COL22A1: variants seen among roughly 807,000 people sequenced by gnomAD.
COL22A1 encodes the protein collagen type XXII alpha 1 chain, also known as collagen alpha-1(XXII) chain.
COL22A1 carries 221 observed loss-of-function variants against 248.9 expected under a neutral mutation model. The observed-to-expected ratio is 0.89, with a 90% CI of 0.80 to 0.99. The LOEUF is 0.99. Among genes scored for constraint, COL22A1 ranks in the 50% least tolerant of loss-of-function variants. The probability of loss-of-function intolerance (pLI) is 0.00; values close to 1 mark genes in which losing one functional copy is unlikely to be tolerated. For synonymous variants in COL22A1, 891 were observed against 793.4 expected (o/e 1.12, Z -2.07); for missense variants, 2,240 against 2,179.0 (o/e 1.03, Z -0.56).
At chr8:138,857,536 C>A (rs1478302287) in intron 3 of COL22A1, among the ~76,000 whole-genome samples, 1 of 152,122 alleles carries the variant, frequency 6.6e-6, no homozygotes, top group Non-Finnish European at 1.5e-5. Context: ...GGGCATGGAG[C>A]TGCTCCTGAC....
rs150535808 is a variant in COL22A1, at chr8:138,641,547, C to T, written c.3502-4752G>A. On this transcript the variant is annotated intron_variant, in intron 47 of 64. Coordinates refer to ENST00000303045, the MANE Select transcript of COL22A1 (RefSeq NM_152888.3). ...CGGATCATAACCACAACTGCAGCAA[C>T]GATCTCCAGACCCTATATCTTAAAG... Among the ~76,000 whole-genome samples the T allele has an allele frequency of 1.3e-3, 193 of 152,262 alleles. 1 individual carries two copies. Among genetic ancestry groups the T allele is most frequent in the South Asian group, 6.8e-3 (33 of 4,824 alleles).
At chr8:138,665,748 GGGT>G (rs1256809799) in intron 41 of COL22A1, among the ~76,000 whole-genome samples, 3 of 152,076 alleles carry the variant, frequency 2.0e-5, no homozygotes, top group African/African-American at 7.3e-5. Flanking sequence ...TTGGAGGATG[GGGT>G]GGTCAGATAC....
At chr8:138,861,814 A>T (rs1343073913) in intron 3 of COL22A1, among the ~76,000 whole-genome samples, 1 of 152,184 alleles carries the variant, frequency 6.6e-6, no homozygotes, top group Admixed American at 6.5e-5. Flanking sequence ...GTGGAAGGGG[A>T]TGTACAGTTT....
At position 138,859,024 on chromosome 8, in the gene COL22A1, C is replaced by T. The variant is rs947082917; in HGVS notation, c.659-14866G>A. Among the ~76,000 whole-genome samples, 9 of 152,326 alleles carry T rather than the reference C, an allele frequency of 5.9e-5. No homozygotes were observed. The East Asian group carries it at 1.7e-3, about 30-fold the overall frequency. On this transcript the variant is annotated intron_variant, in intron 3 of 64. Coordinates refer to ENST00000303045, the MANE Select transcript of COL22A1 (RefSeq NM_152888.3). Reference sequence around the variant, plus strand: ...CCATGTCTGCGGATAAACCATCTCCCTTCTCGGTCCCCAGAAAGCAAAGGA... The same window carrying T: ...CCATGTCTGCGGATAAACCATCTCCTTTCTCGGTCCCCAGAAAGCAAAGGA...
At chr8:138,768,675 T>C (rs1030640909) in intron 16 of COL22A1, among the ~76,000 whole-genome samples, 4 of 152,182 alleles carry the variant, frequency 2.6e-5, no homozygotes, top group African/African-American at 9.7e-5. Context: ...TGGTGGCTCA[T>C]GCCTGTAATC....
intron 4 of COL22A1, among the ~76,000 whole-genome samples, chr8:138,838,689 A>G (rs1471560862): frequency 6.6e-6 from 1 of 151,290 alleles, no homozygotes; most frequent in African/African-American, 2.4e-5. Flanking sequence ...AAAAAGATAA[A>G]TTGCCCAAAA....
intron 33 of COL22A1, 58 bp from the exon 34 acceptor site, chr8:138,694,619 C>A: frequency 1.3e-6 from 2 of 1,567,404 alleles, no homozygotes; most frequent in Non-Finnish European, 8.8e-7. Flanking sequence ...AGCAGATGGG[C>A]GGATGGGGCG....
intron 51 of COL22A1, among the ~76,000 whole-genome samples, chr8:138,624,483 G>A (rs903532146): frequency 1.3e-5 from 2 of 152,090 alleles, no homozygotes; most frequent in African/African-American, 2.4e-5. Context: ...GGAGGAGGGA[G>A]GAAGGAGGGA....
In COL22A1 at chr8:138,690,749, C is replaced by T; in HGVS notation, c.2808+72G>A. ...CCTTACTCCCATGTATCCTACGCCTCTGGCTTTTGGGGAGGATACATTAAC... is the reference window on the plus strand; with the variant it reads ...CCTTACTCCCATGTATCCTACGCCTTTGGCTTTTGGGGAGGATACATTAAC... On this transcript the variant is annotated intron_variant, in intron 36 of 64. Coordinates refer to ENST00000303045, the MANE Select transcript of COL22A1 (RefSeq NM_152888.3). 2.4e-6 allele frequency: 3 copies of T among 1,274,058 alleles called. No individual in the cohort carries two copies. The South Asian group carries it at 4.3e-5, about 18-fold the overall frequency. The allele number at this position is 1,274,058 out of a possible 1,614,324, so 78.9% of individuals were successfully genotyped here. A position where few individuals can be genotyped will look rare whatever the true frequency, so the allele number is the denominator to read the frequency against.
chr8:138,807,406 T>C (rs1350891541), intron 10 of COL22A1, among the ~76,000 whole-genome samples: 1 of 152,220 alleles, frequency 6.6e-6, no homozygotes, highest in East Asian at 1.9e-4. Flanking sequence ...TGCAGTTTAA[T>C]GAATCTTAAA....
At chr8:138,679,999 G>A (rs1436116212) in intron 39 of COL22A1, among the ~76,000 whole-genome samples, 1 of 152,220 alleles carries the variant, frequency 6.6e-6, no homozygotes, top group African/African-American at 2.4e-5. Context: ...TACACTAGGT[G>A]TGGCTCCGTT....
intron 4 of COL22A1, among the ~76,000 whole-genome samples, chr8:138,839,374 C>T (rs146200748): frequency 1.1e-4 from 17 of 152,028 alleles, no homozygotes; most frequent in African/African-American, 3.1e-4. Context: ...GCTCCATCGG[C>T]GAGTTTGGGT....
Position 138,662,125 on chromosome 8 carries a change from TA to T in COL22A1, c.3187-43del, listed in dbSNP as rs1371442095. 6 of 1,546,026 alleles carry T rather than the reference TA, an allele frequency of 3.9e-6. No homozygotes were observed. In the South Asian group the frequency reaches 6.8e-5, roughly 17 times the overall value. ...GAAGACACTGACACCCTACAATATT[TA>T]AGCAAATAAGGACACACCCTCCTTG... On this transcript the variant is annotated intron_variant, in intron 42 of 64. Coordinates refer to ENST00000303045, the MANE Select transcript of COL22A1 (RefSeq NM_152888.3).
At chr8:138,885,836 T>C (rs995980612) in intron 1 of COL22A1, among the ~76,000 whole-genome samples, 2 of 152,194 alleles carry the variant, frequency 1.3e-5, no homozygotes, top group Non-Finnish European at 2.9e-5. Context: ...GTAGTAGTAT[T>C]ACAGGCATGA....
chr8:138,709,557 T>C (rs1203525247), intron 30 of COL22A1, among the ~76,000 whole-genome samples: 1 of 145,512 alleles, frequency 6.9e-6, no homozygotes, highest in African/African-American at 2.6e-5. Context: ...AAACACCCCA[T>C]GTTCTCACTC....
At chr8:138,658,035 A>C (rs1245571859) in intron 44 of COL22A1, among the ~76,000 whole-genome samples, 1 of 152,136 alleles carries the variant, frequency 6.6e-6, no homozygotes, top group East Asian at 1.9e-4. Context: ...TCAATCAGTC[A>C]CTAGCACAAG....
intron 12 of COL22A1, among the ~76,000 whole-genome samples, chr8:138,788,728 C>T (rs116783650): frequency 1.3e-5 from 2 of 151,956 alleles, no homozygotes; most frequent in East Asian, 1.9e-4. Context: ...GCGCAGAAGA[C>T]GTCATTTGGT....
At position 138,806,142 on chromosome 8, in the gene COL22A1, G is replaced by GTGTT. The variant is rs1563788752; in HGVS notation, c.1494+1625_1494+1626insAACA. On this transcript the variant is annotated intron_variant, in intron 10 of 64. Transcript: ENST00000303045. ...GGTGTAGGTAATGGTGTGTGGTGGT[G>GTGTT]TGTGTGTGATGGTGTGTGTGTGTGA... is the stretch of plus-strand genomic sequence containing the variant. Among the ~76,000 whole-genome samples the GTGTT allele has an allele frequency of 3.8e-3, 34 of 9,056 alleles. 3 individuals are homozygous for GTGTT. The highest frequency in any genetic ancestry group is 8.0e-3 in the Admixed American group (6 of 748). The allele number at this position is 9,056 out of a possible 152,430, so 5.9% of individuals were successfully genotyped here.
chr8:138,896,387 C>T (rs543092761), intron 1 of COL22A1, among the ~76,000 whole-genome samples: 21 of 152,248 alleles, frequency 1.4e-4, no homozygotes, highest in Middle Eastern at 3.4e-3. Context: ...AAGGTTTCTA[C>T]ACTAAACTCA....
Sources: allele counts gnomAD v4.1 joint callset (sites outside exome capture counted in the v4.1 genomes callset), GRCh38; gene constraint gnomAD v4.1.1; transcripts MANE v1.5; gene names NCBI Gene and HGNC (gene_info 2026-07-23, HGNC 2026-07-21).